The following COL4A3 variants were observed in gnomAD, a reference collection of about 807,000 sequenced individuals.
The protein encoded by COL4A3 is collagen alpha-3(IV) chain.
COL4A3 carries 135 observed loss-of-function variants against 217.4 expected under a neutral mutation model. The observed-to-expected ratio is 0.62, with a 90% CI of 0.54 to 0.72. The LOEUF (loss-of-function observed/expected upper bound fraction) is 0.72, where lower values mean the gene tolerates loss of function less well. COL4A3 is among the 30% of genes least tolerant of loss of function. The pLI, the probability that COL4A3 is intolerant of heterozygous loss-of-function variation, is 0.00. For synonymous variants in COL4A3, 690 were observed against 736.3 expected (o/e 0.94, Z 1.02); for missense variants, 1,868 against 2,119.9 (o/e 0.88, Z 2.33).
intron 1 of COL4A3, among the ~76,000 whole-genome samples, chr2:227,184,940 C>T (rs979150265): frequency 1.4e-4 from 16 of 117,522 alleles, no homozygotes; most frequent in East Asian, 5.7e-4. Context: ...CTCACTCTGT[C>T]GCCCAGGCTG....
intron 1 of COL4A3, among the ~76,000 whole-genome samples, chr2:227,205,111 A>G (rs760898057): frequency 1.4e-4 from 22 of 152,170 alleles, no homozygotes; most frequent in Non-Finnish European, 2.8e-4. Flanking sequence ...AAATTAGCAT[A>G]CTTCTATATG....
intron 1 of COL4A3, among the ~76,000 whole-genome samples, chr2:227,174,222 AAC>A (rs1444187875): frequency 6.6e-6 from 1 of 152,194 alleles, no homozygotes. Flanking sequence ...AAAAATTGAA[AAC>A]ACATCACAAA....
intron 27 of COL4A3, 86 bp from the exon 28 acceptor site, chr2:227,277,363 G>A (rs1207113342): frequency 9.7e-6 from 8 of 825,576 alleles, no homozygotes; most frequent in Non-Finnish European, 1.6e-5. Flanking sequence ...GGGATAGGAC[G>A]ACACAGAGAA....
rs200825044 is a variant in COL4A3 at position 227,210,571 on chromosome 2, CAG to C, written c.88-27394_88-27393del. The stretch of plus-strand genomic sequence containing the variant: ...AACCACTGCACACCAGCCTGGGTGA[CAG>C]AGTGAGACTCCATCTCAAAAAGAAA... On this transcript the variant is annotated intron_variant, in intron 1 of 51. Transcript: ENST00000396578. Among the ~76,000 whole-genome samples, 1,422 of 152,278 alleles carry C rather than the reference CAG, an allele frequency of 9.3e-3. 19 individuals carry two copies. Among genetic ancestry groups the C allele is most frequent in the Middle Eastern group, 0.037 (11 of 294 alleles).
chr2:227,198,678 T>C (rs898373438), intron 1 of COL4A3, among the ~76,000 whole-genome samples: 6 of 152,158 alleles, frequency 3.9e-5, no homozygotes, highest in Non-Finnish European at 8.8e-5. Flanking sequence ...ATTCCCATCA[T>C]GGTGGTAGGT....
chr2:227,304,906 C>T (rs1389744652), intron 46 of COL4A3, 79 bp from the exon 47 acceptor site: 1 of 1,161,286 alleles, frequency 8.6e-7, no homozygotes, highest in Non-Finnish European at 1.3e-6. Context: ...CTGAGAAAGT[C>T]CTGGGTTAAC....
intron 24 of COL4A3, among the ~76,000 whole-genome samples, chr2:227,270,277 T>G (rs2071160044): frequency 6.6e-6 from 1 of 152,222 alleles, no homozygotes; most frequent in Non-Finnish European, 1.5e-5. Context: ...TGGAGATGTT[T>G]GAACGTGATT....
At chr2:227,167,536 T>C (rs1217801826) in intron 1 of COL4A3, among the ~76,000 whole-genome samples, 1 of 152,228 alleles carries the variant, frequency 6.6e-6, no homozygotes, top group Non-Finnish European at 1.5e-5. Flanking sequence ...TAAGGTGATG[T>C]TCACACATTA....
At chr2:227,238,153 G>T in intron 2 of COL4A3, 129 bp downstream of exon 2, 32 of 590,690 alleles carry the variant, frequency 5.4e-5, no homozygotes, top group Non-Finnish European at 7.8e-5. Flanking sequence ...CAATGTTAAA[G>T]TAATTGTATA....
chr2:227,303,743 G>T lies in COL4A3; in HGVS notation c.3956-116G>T, dbSNP rs1451468885. The T allele has an allele frequency of 1.1e-5, 11 of 1,020,342 alleles. No individual in the cohort carries two copies. The East Asian group carries it at 2.8e-4, about 26-fold the overall frequency. 63.2% of individuals were successfully genotyped at this position (1,020,342 alleles called of 1,614,324 possible). A position where few individuals can be genotyped will look rare whatever the true frequency, so the allele number is the denominator to read the frequency against. On this transcript the variant is annotated intron_variant, in intron 44 of 51. Coordinates refer to ENST00000396578, the MANE Select transcript of COL4A3 (RefSeq NM_000091.5). ...TGTAGCCCTTGTGACAGAACCCATAGGACAGAGCCTCCAGGCACACTTCTA... is the reference window on the plus strand; with the variant it reads ...TGTAGCCCTTGTGACAGAACCCATATGACAGAGCCTCCAGGCACACTTCTA...
At chr2:227,254,481 T>A (rs979565818) in intron 14 of COL4A3, among the ~76,000 whole-genome samples, 175 bp from the exon 15 acceptor site, 1 of 152,214 alleles carries the variant, frequency 6.6e-6, no homozygotes, top group African/African-American at 2.4e-5. Flanking sequence ...AGCATCAGCT[T>A]TTTTAGCATC....
In COL4A3 at chr2:227,308,781, T is replaced by C. The variant is rs1284684067; in HGVS notation, c.4463-118T>C. 7.5e-6 allele frequency: 8 copies of C among 1,063,774 alleles called. No individual in the cohort carries two copies. The East Asian group carries it at 1.4e-4, about 19-fold the overall frequency. 65.9% of individuals were successfully genotyped at this position (1,063,774 alleles called of 1,614,324 possible). On this transcript the variant is annotated intron_variant, in intron 48 of 51. Transcript: ENST00000396578. Reference sequence around the variant, plus strand: ...TACTACATTTTGCAGATAACTCTTTTGTGTTGTCTTTGTCCAGCTTTTGCT... The same window carrying C: ...TACTACATTTTGCAGATAACTCTTTCGTGTTGTCTTTGTCCAGCTTTTGCT...
At chr2:227,299,256 G>C (rs569056402) in intron 43 of COL4A3, among the ~76,000 whole-genome samples, 1 of 152,220 alleles carries the variant, frequency 6.6e-6, no homozygotes, top group Admixed American at 6.5e-5. Context: ...TTAGCTGGGC[G>C]TGGAGGCAGG....
chr2:227,254,093 T>C lies in COL4A3; in HGVS notation c.766-19T>C, dbSNP rs755524848. 1 of 1,611,054 alleles carries C rather than the reference T, an allele frequency of 6.2e-7. No homozygotes were observed. The highest frequency in any genetic ancestry group is 1.7e-5 in the Admixed American group (1 of 60,002). ...TCATTTCATCCATTTGTAACAATGTTGAACTGTTTCTTTGGCAGGACCTCA... is the reference window on the plus strand; with the variant it reads ...TCATTTCATCCATTTGTAACAATGTCGAACTGTTTCTTTGGCAGGACCTCA... On this transcript the variant is annotated intron_variant, in intron 13 of 51. Transcript: ENST00000396578.
At chr2:227,180,732 G>A (rs1051038694) in intron 1 of COL4A3, among the ~76,000 whole-genome samples, 3 of 152,060 alleles carry the variant, frequency 2.0e-5, no homozygotes, top group Admixed American at 6.6e-5. Flanking sequence ...CAATACAATC[G>A]CACATTTTAC....
chr2:227,213,914 A>G (rs868099862), intron 1 of COL4A3, among the ~76,000 whole-genome samples: 17 of 146,270 alleles, frequency 1.2e-4, no homozygotes, highest in East Asian at 1.9e-4. Context: ...AAAAAAAAAA[A>G]AAAAAGAAAA....
intron 19 of COL4A3, 108 bp downstream of exon 19, chr2:227,259,985 C>T (rs2070444870): frequency 7.1e-6 from 6 of 842,640 alleles, no homozygotes; most frequent in Admixed American, 3.4e-5. Context: ...GGAAAGGGAA[C>T]AGAGATCTCT....
rs200512461 is a variant in COL4A3 at position 227,308,959 on chromosome 2, A to G, written c.4523A>G (p.Asn1508Ser). 3.7e-4 allele frequency: 601 copies of G among 1,614,068 alleles called. No homozygotes were observed. The highest frequency in any genetic ancestry group is 4.8e-4 in the Non-Finnish European group (571 of 1,180,036). ...TTMPFLFCNV[N>S]DVCNFASRND... ...ATGCCATTCTTATTCTGCAATGTCA[A>G]TGATGTATGTAATTTTGCATCTCGA... Residue 1508 changes from asparagine to serine, a missense_variant, in exon 49 of 52, where the codon AAT (asparagine) becomes AGT (serine). Transcript: ENST00000396578.
chr2:227,179,402 ATTAC>A (rs2065799154), intron 1 of COL4A3, among the ~76,000 whole-genome samples: 1 of 152,236 alleles, frequency 6.6e-6, no homozygotes, highest in South Asian at 2.1e-4. Context: ...GCATCAATTA[ATTAC>A]TTTTATTTAC....
Sources: allele counts gnomAD v4.1 joint callset (sites outside exome capture counted in the v4.1 genomes callset), GRCh38; gene constraint gnomAD v4.1.1; transcripts MANE v1.5; gene names NCBI Gene and HGNC (gene_info 2026-07-23, HGNC 2026-07-21).